The following NELL2 variants were observed in gnomAD, a reference collection of about 807,000 sequenced individuals.
The protein encoded by NELL2 is neural EGFL like 2, also known as protein kinase C-binding protein NELL2.
Under a neutral mutation model 109.6 loss-of-function variants are expected in NELL2, and 41 were observed. The ratio of observed to expected loss-of-function variants is 0.37; its 90% CI spans 0.29 to 0.49. NELL2 has a LOEUF of 0.49. Among genes scored for constraint, NELL2 ranks in the 20% least tolerant of loss-of-function variants. NELL2 has a pLI of 0.98. For missense variants in NELL2, 900 were observed against 1,008.3 expected (o/e 0.89, Z 1.45); for synonymous variants, 355 against 344.7 (o/e 1.03, Z -0.33).
chr12:44,664,498 G>C (rs1206981317), intron 13 of NELL2, among the ~76,000 whole-genome samples: 1 of 152,028 alleles, frequency 6.6e-6, no homozygotes, highest in African/African-American at 2.4e-5. Flanking sequence ...CTATAATGAA[G>C]ACTTAGAAGC....
At chr12:44,751,694 T>C (rs1337932351) in intron 9 of NELL2, among the ~76,000 whole-genome samples, 1 of 152,096 alleles carries the variant, frequency 6.6e-6, no homozygotes, top group Non-Finnish European at 1.5e-5. Context: ...TGTTAAAACA[T>C]TTGTACTTTA....
chr12:44,532,786 C>T, intron 15 of NELL2, 65 bp from the exon 16 acceptor site: 1 of 1,452,862 alleles, frequency 6.9e-7, no homozygotes, highest in Non-Finnish European at 9.3e-7. Context: ...GAATATTCTG[C>T]TACAAGGCTA....
chr12:44,649,178 C>G, intron 13 of NELL2, among the ~76,000 whole-genome samples: 1 of 151,938 alleles, frequency 6.6e-6, no homozygotes, highest in Non-Finnish European at 1.5e-5. Flanking sequence ...GTAGATCCTT[C>G]CTTATTTTTC....
intron 3 of NELL2, among the ~76,000 whole-genome samples, chr12:44,791,147 A>T (rs1942403104): frequency 9.8e-6 from 1 of 102,496 alleles, no homozygotes; most frequent in Non-Finnish European, 1.9e-5. Flanking sequence ...ACACGCACAC[A>T]CATACACACA....
rs1378651816 is a variant in NELL2, at chr12:44,607,274, T to C, written c.1568-10A>G. 6.2e-7 allele frequency: 1 copy of C among 1,608,458 alleles called. No individual in the cohort carries two copies. The highest frequency in any genetic ancestry group is 1.1e-5 in the South Asian group (1 of 90,294). On this transcript the variant is annotated splice_polypyrimidine_tract_variant and intron_variant, in intron 14 of 19. Coordinates refer to ENST00000429094, the MANE Select transcript of NELL2 (RefSeq NM_001145108.2). ...CCATCTTTGCAAAATGCTAAAATAA[T>C]TCAGATACATGATTTTAGCACTTTA...
intron 2 of NELL2, among the ~76,000 whole-genome samples, chr12:44,831,712 T>C (rs564045813): frequency 6.6e-6 from 1 of 152,288 alleles, no homozygotes; most frequent in African/African-American, 2.4e-5. Flanking sequence ...AAGGAACTGA[T>C]TGTCCCCACT....
At chr12:44,594,019 A>T (rs1195479526) in intron 15 of NELL2, among the ~76,000 whole-genome samples, 1 of 152,124 alleles carries the variant, frequency 6.6e-6, no homozygotes, top group Non-Finnish European at 1.5e-5. Context: ...ATTCTCAGCA[A>T]ACTAACACAG....
At chr12:44,627,578 T>G (rs1193267378) in intron 13 of NELL2, among the ~76,000 whole-genome samples, 2 of 152,186 alleles carry the variant, frequency 1.3e-5, no homozygotes, top group African/African-American at 2.4e-5. Context: ...ATTGTATAGT[T>G]GACTGCTCTG....
chr12:44,761,865 G>A (rs1481295014), intron 9 of NELL2, among the ~76,000 whole-genome samples: 1 of 152,112 alleles, frequency 6.6e-6, no homozygotes, highest in African/African-American at 2.4e-5. Context: ...ATAACAGATA[G>A]TGGGGAGTTC....
Position 44,893,526 on chromosome 12 carries a change from T to C in NELL2, c.39-17626A>G, listed in dbSNP as rs1439920719. On this transcript the variant is annotated intron_variant, in intron 1 of 20. Coordinates refer to the NELL2 transcript ENST00000333837. ...ATTTTAAACACAGCTAAATTAAGTA[T>C]TTCTGGGATCTGCTTGGTATCTCTT... Among the ~76,000 whole-genome samples the C allele has an allele frequency of 2.6e-5, 4 of 152,264 alleles. No homozygotes were observed. The South Asian group carries it at 6.2e-4, about 24-fold the overall frequency.
In NELL2 at chr12:44,619,623, G is replaced by A. The variant is rs11182566; in HGVS notation, c.1445-8653C>T. ...GGAAGAGGAGAAAGAGGAGAAGAAT[G>A]AGAAGGCGGCGGAAGAGGAGGAGAA... On this transcript the variant is annotated intron_variant, in intron 13 of 19. Coordinates refer to ENST00000429094, the MANE Select transcript of NELL2 (RefSeq NM_001145108.2). 1.3e-3 allele frequency among the ~76,000 whole-genome samples: 191 copies of A among 152,196 alleles called. 3 individuals carry two copies. In the East Asian group the frequency reaches 0.026, roughly 21 times the overall value.
At chr12:44,579,806 C>G (rs1007460454) in intron 15 of NELL2, among the ~76,000 whole-genome samples, 1 of 151,992 alleles carries the variant, frequency 6.6e-6, no homozygotes, top group African/African-American at 2.4e-5. Context: ...TTGTGTGAGA[C>G]TAGAAAAAAA....
rs200603127 is a variant in NELL2, at chr12:44,777,330, A to G, written c.607-16T>C. On this transcript the variant is annotated splice_polypyrimidine_tract_variant and intron_variant, in intron 5 of 19. Transcript: ENST00000429094. ...GCATTATACCCTGTGTGTGAAAAAT[A>G]GAAAAAAAAGACATATTACTTTCAT... 3.2e-5 allele frequency: 52 copies of G among 1,604,240 alleles called. No homozygotes were observed. In the African/African-American group the frequency reaches 5.6e-4, roughly 17 times the overall value.
chr12:44,613,047 T>G (rs1945681312), intron 13 of NELL2, among the ~76,000 whole-genome samples: 2 of 152,174 alleles, frequency 1.3e-5, no homozygotes, highest in African/African-American at 2.4e-5. Context: ...TCCATGCCTT[T>G]ACATATATAT....
intron 15 of NELL2, among the ~76,000 whole-genome samples, chr12:44,557,913 G>T (rs1943318017): frequency 6.6e-6 from 1 of 152,152 alleles, no homozygotes; most frequent in South Asian, 2.1e-4. Flanking sequence ...ACTGTCCACA[G>T]TTCAAAATGG....
In NELL2 at chr12:44,600,255, C is replaced by T. The variant is rs186076584; in HGVS notation, c.1663+6914G>A. Reference sequence around the variant, plus strand: ...GGATCTCCGGACCTCGTGATCCGCCCGCCTCGTCCTCCGAAAGTGCTGGGA... The same window carrying T: ...GGATCTCCGGACCTCGTGATCCGCCTGCCTCGTCCTCCGAAAGTGCTGGGA... On this transcript the variant is annotated intron_variant, in intron 15 of 19. Coordinates refer to ENST00000429094, the MANE Select transcript of NELL2 (RefSeq NM_001145108.2). Among the ~76,000 whole-genome samples, 16 of 150,968 alleles carry T rather than the reference C, an allele frequency of 1.1e-4. No individual in the cohort carries two copies. In the East Asian group the frequency reaches 2.9e-3, roughly 28 times the overall value.
chr12:44,921,483 T>A (rs1309464862), intron 1 of NELL2, among the ~76,000 whole-genome samples: 1 of 152,160 alleles, frequency 6.6e-6, no homozygotes, highest in Non-Finnish European at 1.5e-5. Flanking sequence ...CAGGCTTGAA[T>A]TGTGGCTCCA....
chr12:44,626,016 C>T lies in NELL2; in HGVS notation c.1445-15046G>A, dbSNP rs149114387. 7.4e-4 allele frequency among the ~76,000 whole-genome samples: 113 copies of T among 151,960 alleles called. 1 individual carries two copies. The Middle Eastern group carries it at 0.014, about 18-fold the overall frequency. On this transcript the variant is annotated intron_variant, in intron 13 of 19. Transcript: ENST00000429094. Reference sequence around the variant, plus strand: ...GAAGAAGCTCAATTTTAATCATTAGCCTTCTCTAACATCTCTAAAAAATGT... The same window carrying T: ...GAAGAAGCTCAATTTTAATCATTAGTCTTCTCTAACATCTCTAAAAAATGT...
intron 12 of NELL2, among the ~76,000 whole-genome samples, chr12:44,680,778 T>A (rs190318308): frequency 1.3e-5 from 2 of 152,290 alleles, no homozygotes; most frequent in East Asian, 3.9e-4. Context: ...TCACATTCAT[T>A]TAACTTGTAC....
Sources: gnomAD v4.1 joint callset for allele counts (sites outside exome capture counted in the v4.1 genomes callset) on GRCh38, gnomAD v4.1.1 for gene constraint, MANE v1.5 for transcripts, NCBI Gene and HGNC (gene_info 2026-07-23, HGNC 2026-07-21) for gene names.